The following MEF2A variants were observed in gnomAD, a reference collection of about 807,000 sequenced individuals.
MEF2A encodes myocyte-specific enhancer factor 2A.
MEF2A carries 28 observed loss-of-function variants against 55.8 expected under a neutral mutation model. The observed-to-expected ratio is 0.50, with a 90% CI of 0.37 to 0.69. MEF2A has a LOEUF of 0.69. Among genes scored for constraint, MEF2A ranks in the 30% least tolerant of loss-of-function variants. MEF2A has a pLI of 0.00. For missense variants in MEF2A, 528 were observed against 626.2 expected (o/e 0.84, Z 1.67); for synonymous variants, 239 against 227.1 (o/e 1.05, Z -0.47).
intron 7 of MEF2A, among the ~76,000 whole-genome samples, chr15:99,684,750 C>G (rs1158663099): frequency 6.6e-6 from 1 of 152,104 alleles, no homozygotes; most frequent in Non-Finnish European, 1.5e-5. Flanking sequence ...CTTTTGGGTT[C>G]TTGATCATGA....
intron 1 of MEF2A, among the ~76,000 whole-genome samples, chr15:99,585,415 C>T (rs1966879413): frequency 6.6e-6 from 1 of 152,042 alleles, no homozygotes; most frequent in South Asian, 2.1e-4. Flanking sequence ...ATATTGTTTC[C>T]TGTGAATTAG....
intron 1 of MEF2A, among the ~76,000 whole-genome samples, chr15:99,574,293 C>G (rs902215682): frequency 3.3e-4 from 50 of 152,288 alleles, no homozygotes; most frequent in African/African-American, 1.2e-3. Context: ...CTATTACCAG[C>G]CTTTTTGGCA....
intron 3 of MEF2A, among the ~76,000 whole-genome samples, chr15:99,634,475 GGGACCTGCTTCAT>G (rs1369128337): frequency 6.6e-6 from 1 of 152,096 alleles, no homozygotes. Context: ...AGGAGGCATA[GGGACCTGCTTCAT>G]GGATATATGC....
intron 7 of MEF2A, among the ~76,000 whole-genome samples, chr15:99,678,431 G>A (rs2052543870): frequency 1.3e-5 from 2 of 152,124 alleles, no homozygotes; most frequent in African/African-American, 4.8e-5. Context: ...CGTTTTATCT[G>A]TATATATGTC....
At chr15:99,666,608 AAT>A (rs2049809972) in intron 4 of MEF2A, among the ~76,000 whole-genome samples, 2 of 149,266 alleles carry the variant, frequency 1.3e-5, no homozygotes, top group African/African-American at 4.9e-5. Context: ...TAATAATAAT[AAT>A]AAAAAGATCA....
chr15:99,619,773 T>G (rs2040822012), intron 2 of MEF2A, among the ~76,000 whole-genome samples: 1 of 152,230 alleles, frequency 6.6e-6, no homozygotes, highest in Non-Finnish European at 1.5e-5. Flanking sequence ...ATGCATATAA[T>G]TGGATTTTCC....
chr15:99,618,153 T>C (rs1421567407), intron 2 of MEF2A, among the ~76,000 whole-genome samples: 3 of 152,178 alleles, frequency 2.0e-5, no homozygotes, highest in African/African-American at 4.8e-5. Flanking sequence ...TAATATTACA[T>C]ATTACATTTT....
chr15:99,676,903 T>C (rs952638790), intron 7 of MEF2A, among the ~76,000 whole-genome samples: 1 of 151,952 alleles, frequency 6.6e-6, no homozygotes, highest in African/African-American at 2.4e-5. Flanking sequence ...GAAAAGCAAA[T>C]AGTCTCTGGA....
rs572645349 is a variant in MEF2A at position 99,614,358 on chromosome 15, GGATCACA to G, written c.-143+15849_-143+15855del. Among the ~76,000 whole-genome samples the G allele has an allele frequency of 3.4e-3, 525 of 152,192 alleles. 3 individuals carry two copies. The highest frequency in any genetic ancestry group is 7.0e-3 in the Admixed American group (107 of 15,298). On this transcript the variant is annotated intron_variant, in intron 2 of 11. Transcript: ENST00000557942. The stretch of plus-strand genomic sequence containing the variant: ...CTCACCTCACCGTCCCAAAGTGCTG[GGATCACA>G]GGCGTGAGTCACCGCGCCAAGCCCA...
At chr15:99,620,097 A>G (rs1431562736) in intron 2 of MEF2A, among the ~76,000 whole-genome samples, 1 of 152,256 alleles carries the variant, frequency 6.6e-6, no homozygotes, top group Non-Finnish European at 1.5e-5. Flanking sequence ...AAAAAGGAAA[A>G]TAATTTTTTA....
At chr15:99,622,906 G>A (rs910992877) in intron 2 of MEF2A, among the ~76,000 whole-genome samples, 11 of 151,666 alleles carry the variant, frequency 7.3e-5, no homozygotes, top group African/African-American at 2.7e-4. Flanking sequence ...GGGTTTCACC[G>A]TGTTAGGATG....
chr15:99,640,968 A>G (rs2044795391), intron 3 of MEF2A, among the ~76,000 whole-genome samples: 1 of 151,702 alleles, frequency 6.6e-6, no homozygotes, highest in African/African-American at 2.4e-5. Context: ...ATCTAGTTTG[A>G]TCCATCTCTT....
At chr15:99,658,236 G>T (rs978818947) in intron 4 of MEF2A, among the ~76,000 whole-genome samples, 3 of 152,136 alleles carry the variant, frequency 2.0e-5, no homozygotes, top group African/African-American at 7.2e-5. Context: ...TATAGGAATT[G>T]ACATAGCAGA....
At position 99,712,350 on chromosome 15, in the gene MEF2A, A is replaced by G; in HGVS notation, c.1137-40A>G. On this transcript the variant is annotated intron_variant, in intron 11 of 11. Transcript: ENST00000557942. The surrounding 1 kb of genome is among the most constrained non-coding windows in gnomAD (Gnocchi z 4.1). ...TGTATCATCCCAGTTTTGCAGAGGT[A>G]CTTGCAAGCCATCTGACCTCTCTCT... 2.7e-6 allele frequency: 4 copies of G among 1,488,824 alleles called. No individual in the cohort carries two copies. Among genetic ancestry groups the G allele is most frequent in the East Asian group, 2.5e-5 (1 of 40,320 alleles). 92.2% of individuals were successfully genotyped at this position (1,488,824 alleles called of 1,614,324 possible).
chr15:99,603,592 G>A (rs532902868), intron 2 of MEF2A, among the ~76,000 whole-genome samples: 21 of 85,440 alleles, frequency 2.5e-4, no homozygotes, highest in African/African-American at 6.3e-4. Flanking sequence ...GTAGAGATGG[G>A]GTTTTGCCAT....
intron 2 of MEF2A, among the ~76,000 whole-genome samples, chr15:99,608,630 G>A (rs1015304503): frequency 1.3e-5 from 2 of 152,158 alleles, no homozygotes; most frequent in African/African-American, 4.8e-5. Context: ...CGAGCGTGGT[G>A]GCTCACGCCT....
chr15:99,674,962 A>G (rs149963043), intron 6 of MEF2A, among the ~76,000 whole-genome samples: 8 of 152,270 alleles, frequency 5.3e-5, no homozygotes, highest in African/African-American at 1.9e-4. Flanking sequence ...ACCTGATTGG[A>G]GTTAGAGTAT....
At chr15:99,595,732 T>A (rs1392526810) in intron 1 of MEF2A, among the ~76,000 whole-genome samples, 2 of 152,240 alleles carry the variant, frequency 1.3e-5, no homozygotes, top group Non-Finnish European at 1.5e-5. Flanking sequence ...AGTTAAGGTG[T>A]ACTGAAGATG....
intron 2 of MEF2A, among the ~76,000 whole-genome samples, chr15:99,599,608 CTTTAG>C (rs1451165763): frequency 6.6e-6 from 1 of 152,080 alleles, no homozygotes; most frequent in Non-Finnish European, 1.5e-5. Flanking sequence ...GATTGATAAT[CTTTAG>C]TTTAGGAGAC....
Sources: allele counts gnomAD v4.1 joint callset (sites outside exome capture counted in the v4.1 genomes callset), GRCh38; gene constraint gnomAD v4.1.1; non-coding constraint Gnocchi (gnomAD v3.1); transcripts MANE v1.5; gene names NCBI Gene and HGNC (gene_info 2026-07-23, HGNC 2026-07-21).